EDARADD: variants seen among roughly 807,000 people sequenced by gnomAD.
EDARADD encodes the protein EDAR associated via death domain, also known as ectodysplasin-A receptor-associated adapter protein.
EDARADD carries 20 observed loss-of-function variants against 25.6 expected under a neutral mutation model. That is an observed-to-expected ratio of 0.78 (90% CI 0.55 to 1.14). EDARADD has a LOEUF of 1.14. EDARADD is among the 50% of genes most tolerant of loss of function. EDARADD has a pLI of 0.00. For missense variants in EDARADD, 225 were observed against 270.1 expected (o/e 0.83, Z 1.17); for synonymous variants, 86 against 94.4 (o/e 0.91, Z 0.52).
intron 3 of EDARADD, among the ~76,000 whole-genome samples, chr1:236,421,404 G>A (rs1002791890): frequency 1.4e-5 from 2 of 145,644 alleles, no homozygotes; most frequent in Non-Finnish European, 3.0e-5. Context: ...CCTTGGTAAG[G>A]GGCGTTGTTT....
chr1:236,389,478 G>A (rs6687369), upstream of EDARADD, among the ~76,000 whole-genome samples: 194 of 152,310 alleles, frequency 1.3e-3, 1 homozygote, highest in African/African-American at 4.5e-3. Context: ...TTAATCTCCT[G>A]TGTGAGGAAG....
intron 3 of EDARADD, among the ~76,000 whole-genome samples, chr1:236,357,859 A>G (rs1666998918): frequency 6.6e-6 from 1 of 150,922 alleles, no homozygotes; most frequent in Non-Finnish European, 1.5e-5. Flanking sequence ...TTACAAGGAA[A>G]GTAACTTTAT....
At chr1:236,396,642 A>G (rs1367528750) in intron 1 of EDARADD, among the ~76,000 whole-genome samples, 1 of 151,978 alleles carries the variant, frequency 6.6e-6, no homozygotes, top group African/African-American at 2.4e-5. Flanking sequence ...CTAAGTTGGC[A>G]TTGTGATGGC....
chr1:236,409,085 A>AAG, intron 1 of EDARADD, 131 bp from the exon 2 acceptor site: 4 of 507,376 alleles, frequency 7.9e-6, no homozygotes, highest in Non-Finnish European at 1.4e-5. Context: ...AAAAAAAAAA[A>AAG]AAGGAGTAAG....
At chr1:236,405,464 G>A (rs1353606946) in intron 1 of EDARADD, among the ~76,000 whole-genome samples, 3 of 152,162 alleles carry the variant, frequency 2.0e-5, no homozygotes, top group Non-Finnish European at 2.9e-5. Flanking sequence ...TGTGGGATCC[G>A]GAGACCTGGA....
intron 4 of EDARADD, among the ~76,000 whole-genome samples, chr1:236,445,555 C>T (rs1195407535): frequency 2.0e-5 from 3 of 152,104 alleles, no homozygotes; most frequent in African/African-American, 4.8e-5. Flanking sequence ...TGACTGTCCT[C>T]TACATCTAAG....
In EDARADD at chr1:236,395,627, G is replaced by A. The variant is rs201123188; in HGVS notation, c.61+1122G>A. ...GACGCTCGTTTGCCCCTAACCCGCC[G>A]CCATGGCTTCACCGGACGACCCTCT... On this transcript the variant is annotated intron_variant, in intron 1 of 5. Coordinates refer to ENST00000334232, the MANE Select transcript of EDARADD (RefSeq NM_145861.4). This position sits in a 1 kb window ranked among gnomAD's most constrained non-coding sequence, Gnocchi z 6.9. The A allele has an allele frequency of 3.2e-6, 5 of 1,571,758 alleles. No homozygotes were observed. The African/African-American group carries it at 5.4e-5, about 17-fold the overall frequency.
At chr1:236,414,705 AG>A (rs1657589093) in intron 3 of EDARADD, among the ~76,000 whole-genome samples, 1 of 152,054 alleles carries the variant, frequency 6.6e-6, no homozygotes, top group Non-Finnish European at 1.5e-5. Context: ...AGGCCGAGGC[AG>A]GTGGATAGCC....
intron 3 of EDARADD, among the ~76,000 whole-genome samples, chr1:236,359,173 C>G (rs1310111484): frequency 6.6e-6 from 1 of 152,150 alleles, no homozygotes; most frequent in Non-Finnish European, 1.5e-5. Flanking sequence ...CTGATGTCAT[C>G]TCACCCTCAC....
intron 4 of EDARADD, among the ~76,000 whole-genome samples, chr1:236,464,304 C>T (rs1659123735): frequency 6.7e-6 from 1 of 149,882 alleles, no homozygotes; most frequent in African/African-American, 2.5e-5. Flanking sequence ...GGCTGGAGTG[C>T]AGTGGTTCAA....
intron 3 of EDARADD, among the ~76,000 whole-genome samples, chr1:236,427,084 G>A (rs1364432846): frequency 6.6e-6 from 1 of 152,136 alleles, no homozygotes. Context: ...GTTTCTCCAT[G>A]TTGGTCAGGC....
chr1:236,394,278 C>T (rs1572124893), upstream of EDARADD: 6 of 720,042 alleles, frequency 8.3e-6, no homozygotes, highest in East Asian at 1.6e-4. Context: ...CCCTTCCTAT[C>T]CGAAGGCAGA....
In EDARADD at chr1:236,419,440, G is replaced by A. The variant is rs115503444; in HGVS notation, c.160+5141G>A. 7.5e-3 allele frequency among the ~76,000 whole-genome samples: 1,139 copies of A among 152,046 alleles called. 7 individuals are homozygous for A. Among genetic ancestry groups the A allele is most frequent in the Middle Eastern group, 0.02 (6 of 294 alleles). ...AACAAAACAAAAAACTCAACTTCTCGTAGTGGGAAAAAAGCACTTTAAAGA... is the reference window on the plus strand; with the variant it reads ...AACAAAACAAAAAACTCAACTTCTCATAGTGGGAAAAAAGCACTTTAAAGA... On this transcript the variant is annotated intron_variant, in intron 3 of 5. Transcript: ENST00000334232.
rs932625799 is a variant in EDARADD, at chr1:236,484,603, G to A, written c.*1954G>A. The A allele has an allele frequency of 8.2e-5, 54 of 656,180 alleles. 1 individual carries two copies. The highest frequency in any genetic ancestry group is 4.3e-4 in the Middle Eastern group (1 of 2,328). 40.6% of individuals were successfully genotyped at this position (656,180 alleles called of 1,614,324 possible). Reference sequence around the variant, plus strand: ...TAGTTAGCTACCCTTGCCCACCGCCGTGGAGTTCGCACCTCTTCCTTAGAA... The same window carrying A: ...TAGTTAGCTACCCTTGCCCACCGCCATGGAGTTCGCACCTCTTCCTTAGAA... On this transcript the variant is annotated 3_prime_UTR_variant, in exon 6 of 6. Coordinates refer to ENST00000334232, the MANE Select transcript of EDARADD (RefSeq NM_145861.4). The surrounding 1 kb of genome is among the most constrained non-coding windows in gnomAD (Gnocchi z 4.1).
chr1:236,451,607 G>A (rs1658714683), intron 4 of EDARADD, among the ~76,000 whole-genome samples: 1 of 152,110 alleles, frequency 6.6e-6, no homozygotes, highest in South Asian at 2.1e-4. Flanking sequence ...ATTTTTAGTA[G>A]AGATGGGGTT....
chr1:236,367,616 T>G (rs1029118993), intron 3 of EDARADD, among the ~76,000 whole-genome samples: 6 of 152,104 alleles, frequency 3.9e-5, no homozygotes, highest in Non-Finnish European at 8.8e-5. Flanking sequence ...CCTCCAGCCT[T>G]GGCCTCCCAA....
intron 3 of EDARADD, among the ~76,000 whole-genome samples, chr1:236,360,424 A>G (rs1308106645): frequency 6.6e-6 from 1 of 152,152 alleles, no homozygotes; most frequent in Non-Finnish European, 1.5e-5. Context: ...ACAGAGATTC[A>G]TCTACTGGCC....
chr1:236,367,983 C>T (rs1371260691), intron 3 of EDARADD, among the ~76,000 whole-genome samples: 1 of 151,956 alleles, frequency 6.6e-6, no homozygotes, highest in Non-Finnish European at 1.5e-5. Flanking sequence ...GTGGTGTACA[C>T]CTGTAGTGCC....
chr1:236,358,191 A>G (rs1463067092), intron 3 of EDARADD, among the ~76,000 whole-genome samples: 1 of 152,150 alleles, frequency 6.6e-6, no homozygotes, highest in East Asian at 1.9e-4. Context: ...TAACTTTAAA[A>G]TGACCAGTCT....
Sources: allele counts gnomAD v4.1 joint callset (sites outside exome capture counted in the v4.1 genomes callset), GRCh38; gene constraint gnomAD v4.1.1; non-coding constraint Gnocchi (gnomAD v3.1); transcripts MANE v1.5; gene names NCBI Gene and HGNC (gene_info 2026-07-23, HGNC 2026-07-21).